FANCB: variants seen among roughly 807,000 people sequenced by gnomAD.
The protein encoded by FANCB is Fanconi anemia group B protein.
FANCB carries 5 observed loss-of-function variants against 38.9 expected under a neutral mutation model. The observed-to-expected ratio is 0.13, with a 90% confidence interval of 0.07 to 0.27. FANCB has a LOEUF of 0.27. Ranked by LOEUF, FANCB falls within the 10% of genes least tolerant of loss-of-function variation. The probability of loss-of-function intolerance (pLI) is 1.00; values close to 1 mark genes in which losing one functional copy is unlikely to be tolerated. For synonymous variants in FANCB, 236 were observed against 215.4 expected, an observed-to-expected ratio of 1.10 and a Z score of -0.84; for missense variants, 573 against 602.7, an observed-to-expected ratio of 0.95 and a Z score of 0.52.
downstream of FANCB, among the ~76,000 whole-genome samples, chrX:14,843,187 C>T (rs1019482104): frequency 3.6e-5 from 4 of 111,787 alleles, no homozygotes; most frequent in African/African-American, 1.3e-4. Context: ...CTCTGCATTA[C>T]TGACATTTTG....
chrX:14,825,367 T>C, the FANCB span, among the ~76,000 whole-genome samples: 5 of 112,068 alleles, frequency 4.5e-5, no homozygotes, highest in Non-Finnish European at 9.4e-5. Context: ...TATTATATGC[T>C]AGTCTTTTTC....
chrX:14,720,707 G>A, the FANCB span, among the ~76,000 whole-genome samples: 38 of 111,669 alleles, frequency 3.4e-4, no homozygotes, highest in African/African-American at 9.8e-4. Flanking sequence ...CTATAAGAAG[G>A]GGCACTTGTT....
At chrX:14,812,716 T>A in the FANCB span, among the ~76,000 whole-genome samples, 590 of 106,964 alleles carry the variant, frequency 5.5e-3, 7 homozygotes, top group African/African-American at 0.019. Flanking sequence ...AAGGATTCAC[T>A]GCCGAATTCT....
the FANCB span, among the ~76,000 whole-genome samples, chrX:14,698,681 C>CAA: frequency 6.2e-3 from 130 of 21,128 alleles, 7 homozygotes; most frequent in African/African-American, 0.021. Context: ...CTATCTATCT[C>CAA]AAAAAAAAAA....
the FANCB span, among the ~76,000 whole-genome samples, chrX:14,826,949 A>G: frequency 9.0e-6 from 1 of 111,467 alleles, no homozygotes; most frequent in African/African-American, 3.3e-5. Flanking sequence ...TCATGCTGAT[A>G]GGCACATCCC....
chrX:14,708,947 G>GA, the FANCB span, among the ~76,000 whole-genome samples: 94 of 102,480 alleles, frequency 9.2e-4, no homozygotes, highest in Middle Eastern at 5.0e-3. Flanking sequence ...CACACAAAAA[G>GA]AAAAAAAAAA....
the FANCB span, among the ~76,000 whole-genome samples, chrX:14,719,963 T>C: frequency 9.0e-6 from 1 of 111,503 alleles, no homozygotes; most frequent in Non-Finnish European, 1.9e-5. Context: ...AATACTACAA[T>C]TTCTCATTTT....
At chrX:14,794,430 T>C in the FANCB span, among the ~76,000 whole-genome samples, 1 of 111,891 alleles carries the variant, frequency 8.9e-6, no homozygotes, top group African/African-American at 3.2e-5. Flanking sequence ...AGATATGCAG[T>C]TGGAATCATG....
the FANCB span, among the ~76,000 whole-genome samples, chrX:14,720,283 AC>A: frequency 8.9e-6 from 1 of 111,927 alleles, no homozygotes; most frequent in East Asian, 2.8e-4. Context: ...GTATTGAAAT[AC>A]CACCCTTACC....
chrX:14,732,761 G>A, the FANCB span, among the ~76,000 whole-genome samples: 1 of 111,983 alleles, frequency 8.9e-6, no homozygotes, highest in Admixed American at 9.5e-5. Context: ...TAAGTTATTT[G>A]TAGATTCTGG....
chrX:14,711,657 C>T, the FANCB span, among the ~76,000 whole-genome samples: 1 of 112,220 alleles, frequency 8.9e-6, no homozygotes, highest in East Asian at 2.8e-4. Context: ...TTTTAATGTA[C>T]ATTTCCCTGA....
the FANCB span, among the ~76,000 whole-genome samples, chrX:14,719,108 T>C: frequency 1.8e-5 from 2 of 112,046 alleles, no homozygotes; most frequent in South Asian, 7.4e-4. Context: ...AGACCACCAA[T>C]ATTAAATGCA....
rs2092462421 is a variant in FANCB at position 14,864,883 on chromosome X, T to C, written c.628A>G (p.Thr210Ala). 3.3e-6 allele frequency: 4 copies of C among 1,205,003 alleles called. No individual in the cohort carries two copies. The highest frequency in any genetic ancestry group is 4.5e-6 in the Non-Finnish European group (4 of 890,295). The change falls in exon 3 of 10, where the codon ACC becomes GCC. Residue 210 changes from threonine to alanine, a missense_variant. Thr to Ala is a moderately conservative substitution (Grantham distance 58). Coordinates refer to ENST00000650831, the MANE Select transcript of FANCB (RefSeq NM_001018113.3). ...PSKSDYAIWN[T>A]KFCVYSLESQ... ...TCAAGAGAATATACACAAAATTTGG[T>C]ATTCCAAATTGCATAATCTGATTTT...
At chrX:14,778,835 T>G in the FANCB span, among the ~76,000 whole-genome samples, 1 of 112,647 alleles carries the variant, frequency 8.9e-6, no homozygotes, top group Non-Finnish European at 1.9e-5. Context: ...ATGCCAAGCA[T>G]ATGCTAGAGG....
the FANCB span, among the ~76,000 whole-genome samples, chrX:14,788,432 C>T: frequency 9.0e-6 from 1 of 111,464 alleles, no homozygotes; most frequent in Admixed American, 9.5e-5. Context: ...TGTAGCAATA[C>T]TGGAACCAAC....
chrX:14,844,385 C>A, intron 9 of FANCB, 118 bp downstream of exon 9: 2 of 560,005 alleles, frequency 3.6e-6, no homozygotes, highest in Non-Finnish European at 6.3e-6. Flanking sequence ...TAGGCCATGG[C>A]TCTGTATTAT....
the FANCB span, among the ~76,000 whole-genome samples, chrX:14,825,075 C>G: frequency 8.9e-6 from 1 of 112,274 alleles, no homozygotes; most frequent in African/African-American, 3.2e-5. Flanking sequence ...TCTGACAAGA[C>G]ATCAGCTGTC....
At chrX:14,840,263 T>C (rs2092351670), downstream of FANCB, among the ~76,000 whole-genome samples, 1 of 112,114 alleles carries the variant, frequency 8.9e-6, no homozygotes, top group Non-Finnish European at 1.9e-5. Flanking sequence ...TCAATTTCAT[T>C]CTAAGGCTTG....
At chrX:14,812,427 TA>T in the FANCB span, among the ~76,000 whole-genome samples, 2 of 110,463 alleles carry the variant, frequency 1.8e-5, no homozygotes, top group African/African-American at 6.6e-5. Flanking sequence ...GCAAGACTAA[TA>T]AAGAAGAAAA....
Sources: allele counts gnomAD v4.1 joint callset (sites outside exome capture counted in the v4.1 genomes callset), GRCh38; gene constraint gnomAD v4.1.1; transcripts MANE v1.5; gene names NCBI Gene and HGNC (gene_info 2026-07-23, HGNC 2026-07-21).